Variants in FBXL2 observed in about 807,000 individuals in gnomAD.
FBXL2 encodes F-box and leucine rich repeat protein 2, also known as F-box/LRR-repeat protein 2.
Under a neutral mutation model 69.2 loss-of-function variants are expected in FBXL2, and 38 were observed. That is an observed-to-expected ratio of 0.55 (90% CI 0.42 to 0.72). FBXL2 has a LOEUF of 0.72. Ranked by LOEUF, FBXL2 falls within the 30% of genes least tolerant of loss-of-function variation. FBXL2 has a pLI of 0.00. For synonymous variants in FBXL2, 192 were observed against 201.3 expected (o/e 0.95, Z 0.39); for missense variants, 354 against 520.3 (o/e 0.68, Z 3.11).
chr3:33,341,707 G>A (rs1285931241), intron 2 of FBXL2, among the ~76,000 whole-genome samples: 3 of 151,726 alleles, frequency 2.0e-5, no homozygotes, highest in Admixed American at 6.6e-5. Context: ...GTGGGTGCCT[G>A]TAATTCCAGC....
At chr3:33,284,710 C>G (rs1040517241) in intron 1 of FBXL2, among the ~76,000 whole-genome samples, 5 of 152,124 alleles carry the variant, frequency 3.3e-5, no homozygotes, top group African/African-American at 4.8e-5. Context: ...TAAAGACTTG[C>G]TTTATGAATC....
chr3:33,416,930 C>G, the FBXL2 span: 246 of 1,038,518 alleles, frequency 2.4e-4, 1 homozygote, highest in Non-Finnish European at 3.2e-4. Context: ...ACATACATTA[C>G]ACAATGATAG....
chr3:33,385,259 G>T (rs2043347411), intron 14 of FBXL2, among the ~76,000 whole-genome samples: 1 of 152,154 alleles, frequency 6.6e-6, no homozygotes, highest in Admixed American at 6.5e-5. Context: ...TTTGTAAACA[G>T]GGCTGGTTAC....
At chr3:33,354,192 C>T (rs1466271808) in intron 2 of FBXL2, among the ~76,000 whole-genome samples, 1 of 151,970 alleles carries the variant, frequency 6.6e-6, no homozygotes, top group Non-Finnish European at 1.5e-5. Context: ...TATATAGTAA[C>T]TCTCTATACT....
upstream of FBXL2, chr3:33,277,425 C>A (rs1376304218): frequency 1.6e-6 from 2 of 1,232,784 alleles, no homozygotes; most frequent in Non-Finnish European, 1.0e-6. Context: ...GGGGACGGGG[C>A]GGGGCGCCTG....
intron 12 of FBXL2, chr3:33,396,853 G>A (rs1379579478): frequency 5.8e-6 from 4 of 689,762 alleles, no homozygotes; most frequent in Middle Eastern, 2.3e-4. Context: ...GCCCTCATCA[G>A]TGCCTGCATC....
chr3:33,329,833 CT>C (rs2039013469), intron 2 of FBXL2, among the ~76,000 whole-genome samples: 1 of 151,668 alleles, frequency 6.6e-6, no homozygotes, highest in Admixed American at 6.6e-5. Flanking sequence ...CTCTACAAAA[CT>C]TTTTAAAAAA....
chr3:33,383,915 T>G (rs2043225899), intron 13 of FBXL2, 74 bp from the exon 14 acceptor site: 1 of 1,470,086 alleles, frequency 6.8e-7, no homozygotes, highest in Admixed American at 1.7e-5. Flanking sequence ...AAAGGCTAGC[T>G]TCCAGCTTTT....
At chr3:33,392,451 TTAAAA>T (rs759558349), downstream of FBXL2, 105 of 927,068 alleles carry the variant, frequency 1.1e-4, no homozygotes, top group Non-Finnish European at 1.6e-4. Flanking sequence ...AACTTTCTTC[TTAAAA>T]TGAGTAAAGC....
At chr3:33,325,493 T>G (rs1029375364) in intron 2 of FBXL2, among the ~76,000 whole-genome samples, 3 of 152,350 alleles carry the variant, frequency 2.0e-5, no homozygotes, top group Admixed American at 2.0e-4. Flanking sequence ...TTACAGTTTT[T>G]AGCATGAAGG....
At chr3:33,369,527 A>G (rs1314590140) in intron 5 of FBXL2, among the ~76,000 whole-genome samples, 2 of 152,140 alleles carry the variant, frequency 1.3e-5, no homozygotes, top group Non-Finnish European at 2.9e-5. Context: ...GTTGTCATAC[A>G]TTTTAATTCT....
intron 1 of FBXL2, among the ~76,000 whole-genome samples, chr3:33,286,334 C>T (rs543294979): frequency 8.5e-5 from 13 of 152,276 alleles, no homozygotes; most frequent in East Asian, 7.7e-4. Flanking sequence ...GTATCACCAG[C>T]GGAGGCATCA....
intron 10 of FBXL2, among the ~76,000 whole-genome samples, 171 bp downstream of exon 10, chr3:33,375,589 T>C (rs2042584362): frequency 6.6e-6 from 1 of 152,140 alleles, no homozygotes; most frequent in African/African-American, 2.4e-5. Flanking sequence ...ATCCAGTTCA[T>C]TGGAGGATGT....
intron 5 of FBXL2, among the ~76,000 whole-genome samples, chr3:33,369,772 C>A (rs958978968): frequency 3.9e-5 from 6 of 152,044 alleles, no homozygotes; most frequent in Admixed American, 3.3e-4. Context: ...ACCACCCCGC[C>A]CGGCTAATTT....
intron 2 of FBXL2, among the ~76,000 whole-genome samples, chr3:33,356,011 T>G (rs1220550892): frequency 6.6e-6 from 1 of 152,178 alleles, no homozygotes; most frequent in African/African-American, 2.4e-5. Context: ...ATGTAAATAC[T>G]TTAGGCAATC....
chr3:33,279,690 C>T (rs565392924), intron 1 of FBXL2, among the ~76,000 whole-genome samples: 2 of 152,264 alleles, frequency 1.3e-5, no homozygotes, highest in South Asian at 4.2e-4. Flanking sequence ...AAAATTTCTT[C>T]AATTAAGCCA....
At chr3:33,303,253 T>G (rs539450395) in intron 2 of FBXL2, 115 of 447,908 alleles carry the variant, frequency 2.6e-4, no homozygotes, top group African/African-American at 1.7e-3. Flanking sequence ...TTTAGGTTGG[T>G]TTGCTCGCTC....
chr3:33,305,371 A>T (rs909413131), intron 2 of FBXL2, among the ~76,000 whole-genome samples: 1 of 151,902 alleles, frequency 6.6e-6, no homozygotes, highest in Non-Finnish European at 1.5e-5. Context: ...TTGTTGAATG[A>T]TCCTTTCGTT....
At chr3:33,294,509 C>T (rs1575102984) in intron 1 of FBXL2, among the ~76,000 whole-genome samples, 2 of 151,954 alleles carry the variant, frequency 1.3e-5, no homozygotes, top group East Asian at 3.9e-4. Context: ...AAGCAGTATA[C>T]TTAGAGGGAA....
Sources: gnomAD v4.1 joint callset for allele counts (sites outside exome capture counted in the v4.1 genomes callset) on GRCh38, gnomAD v4.1.1 for gene constraint, MANE v1.5 for transcripts, NCBI Gene and HGNC (gene_info 2026-07-23, HGNC 2026-07-21) for gene names.